Variants in HSPBAP1 observed in about 807,000 individuals in gnomAD.
The protein encoded by HSPBAP1 is HSPB1-associated protein 1.
Under a neutral mutation model 45.2 loss-of-function variants are expected in HSPBAP1, and 27 were observed. That is an observed-to-expected ratio of 0.60 (90% CI 0.44 to 0.82). The LOEUF is 0.82. Among genes scored for constraint, HSPBAP1 ranks in the 40% least tolerant of loss-of-function variants. HSPBAP1 has a pLI of 0.00. For synonymous variants in HSPBAP1, 204 were observed against 202.7 expected (o/e 1.01, Z -0.06); for missense variants, 510 against 590.9 (o/e 0.86, Z 1.42).
At chr3:122,746,788 G>C (rs539240689) in intron 6 of HSPBAP1, among the ~76,000 whole-genome samples, 1 of 152,120 alleles carries the variant, frequency 6.6e-6, no homozygotes, top group Non-Finnish European at 1.5e-5. Flanking sequence ...GAGTGCCTGC[G>C]ATTGCAGGCG....
chr3:122,776,300 C>T (rs1935190915), intron 2 of HSPBAP1, among the ~76,000 whole-genome samples: 2 of 152,126 alleles, frequency 1.3e-5, no homozygotes, highest in Admixed American at 1.3e-4. Flanking sequence ...TAAAAAAGAA[C>T]ATCGTCTTTA....
intron 6 of HSPBAP1, among the ~76,000 whole-genome samples, chr3:122,750,741 C>G (rs1161017093): frequency 6.6e-6 from 1 of 152,148 alleles, no homozygotes; most frequent in African/African-American, 2.4e-5. Context: ...GAAAGGGTAT[C>G]CTGGGATATC....
At position 122,755,427 on chromosome 3, in the gene HSPBAP1, G is replaced by C; in HGVS notation, c.574C>G (p.Arg192Gly). 1 of 1,379,728 alleles carries C rather than the reference G, an allele frequency of 7.2e-7. No individual in the cohort carries two copies. The highest frequency in any genetic ancestry group is 2.8e-5 in the Admixed American group (1 of 36,156). The allele number at this position is 1,379,728 out of a possible 1,614,324, so 85.5% of individuals were successfully genotyped here. A position where few individuals can be genotyped will look rare whatever the true frequency, so the allele number is the denominator to read the frequency against. The change falls in exon 5 of 8, where the codon CGA becomes GGA. Residue 192 changes from arginine (R) to glycine (G), a missense_variant. Physicochemically the swap from Arg to Gly is moderately radical, Grantham distance 125. Transcript: ENST00000306103. ...NLVFQVQGRK[R>G]WHLFPPEDTP... ...TCTTCAGGAGGAAAGAGATGCCATC[G>C]TTTCCTAATTAAAAAAAAAAAAAAA...
chr3:122,752,921 C>A, intron 5 of HSPBAP1: 1 of 1,179,250 alleles, frequency 8.5e-7, no homozygotes. Context: ...TAATCCTGGG[C>A]CTTCTTTGTC....
chr3:122,749,048 TATAA>T (rs532491794), intron 6 of HSPBAP1, among the ~76,000 whole-genome samples: 130 of 152,132 alleles, frequency 8.5e-4, no homozygotes, highest in African/African-American at 3.1e-3. Flanking sequence ...TGAATAAGTA[TATAA>T]ATAAGTAAAG....
intron 1 of HSPBAP1, among the ~76,000 whole-genome samples, chr3:122,786,006 C>G (rs1218262495): frequency 1.3e-5 from 2 of 152,006 alleles, no homozygotes; most frequent in African/African-American, 4.8e-5. Context: ...GATGATTAGC[C>G]CTCTTGAGAG....
chr3:122,785,608 G>C (rs973691685), intron 1 of HSPBAP1, among the ~76,000 whole-genome samples: 1 of 152,066 alleles, frequency 6.6e-6, no homozygotes, highest in Non-Finnish European at 1.5e-5. Context: ...TTGGAGTTGG[G>C]CCCAATCTCT....
At chr3:122,754,811 A>AC in intron 5 of HSPBAP1, 1 of 986,916 alleles carries the variant, frequency 1.0e-6, no homozygotes, top group Non-Finnish European at 1.2e-6. Context: ...TTAAAAGCAA[A>AC]CATTCTCGGT....
intron 5 of HSPBAP1, chr3:122,752,922 C>T: frequency 6.8e-6 from 8 of 1,176,604 alleles, no homozygotes; most frequent in Non-Finnish European, 8.4e-6. Context: ...AATCCTGGGC[C>T]TTCTTTGTCT....
chr3:122,758,352 G>C (rs1413365286), intron 4 of HSPBAP1, among the ~76,000 whole-genome samples: 1 of 152,152 alleles, frequency 6.6e-6, no homozygotes, highest in African/African-American at 2.4e-5. Flanking sequence ...GTATCTTCTA[G>C]AGTCCACAGA....
Position 122,764,597 on chromosome 3 carries a change from T to G in HSPBAP1, c.432+4104A>C, listed in dbSNP as rs138914740. On this transcript the variant is annotated intron_variant, in intron 3 of 7. Transcript: ENST00000306103. Reference sequence around the variant, plus strand: ...TAAAAGTATGATTTTGACACTTAACTGACTTTTGTGTATAGCAAATAAAAT... The same window carrying G: ...TAAAAGTATGATTTTGACACTTAACGGACTTTTGTGTATAGCAAATAAAAT... Among the ~76,000 whole-genome samples, 60 of 152,372 alleles carry G rather than the reference T, an allele frequency of 3.9e-4. 1 individual carries two copies. The highest frequency in any genetic ancestry group is 1.3e-3 in the African/African-American group (55 of 41,590).
At chr3:122,769,416 A>G (rs1934905739) in intron 2 of HSPBAP1, among the ~76,000 whole-genome samples, 1 of 152,196 alleles carries the variant, frequency 6.6e-6, no homozygotes, top group Admixed American at 6.5e-5. Flanking sequence ...TAAAAGATGT[A>G]TTATCTGTCC....
chr3:122,766,313 TA>T (rs1934779217), intron 3 of HSPBAP1, among the ~76,000 whole-genome samples: 2 of 152,186 alleles, frequency 1.3e-5, no homozygotes, highest in Admixed American at 6.5e-5. Context: ...AAACAGCAAG[TA>T]ATAAGACTTG....
At chr3:122,746,556 C>T (rs1388359075) in intron 6 of HSPBAP1, among the ~76,000 whole-genome samples, 1 of 151,664 alleles carries the variant, frequency 6.6e-6, no homozygotes, top group Admixed American at 6.6e-5. Context: ...AAATGATGGT[C>T]CTGACAATCC....
At chr3:122,780,625 C>G (rs1202541073) in intron 1 of HSPBAP1, among the ~76,000 whole-genome samples, 1 of 149,594 alleles carries the variant, frequency 6.7e-6, no homozygotes, top group African/African-American at 2.5e-5. Flanking sequence ...ACATCCCTCC[C>G]GGACAGGGCG....
At chr3:122,754,060 G>A (rs1934254623) in intron 5 of HSPBAP1, 1 of 214,808 alleles carries the variant, frequency 4.7e-6, no homozygotes, top group Admixed American at 6.5e-5. Context: ...AGCTGCTATG[G>A]AAAATAGTTT....
At chr3:122,755,454 G>C in intron 4 of HSPBAP1, 23 bp from the exon 5 acceptor site, 1 of 1,274,100 alleles carries the variant, frequency 7.8e-7, no homozygotes, top group Non-Finnish European at 1.0e-6. Context: ...AAAAAAAAAA[G>C]ATACAAGTTA....
At chr3:122,793,213 C>T (rs77185256) in intron 1 of HSPBAP1, among the ~76,000 whole-genome samples, 7,678 of 152,256 alleles carry the variant, frequency 0.05, 266 homozygotes, top group Middle Eastern at 0.11. Context: ...CCAGGGTTCA[C>T]TGAAATAGAA....
intron 1 of HSPBAP1, among the ~76,000 whole-genome samples, chr3:122,791,524 C>T (rs567130682): frequency 2.6e-5 from 4 of 152,218 alleles, no homozygotes; most frequent in African/African-American, 9.7e-5. Context: ...GTCCTGCCCT[C>T]AAGGTACTTA....
Sources: allele counts gnomAD v4.1 joint callset (sites outside exome capture counted in the v4.1 genomes callset), GRCh38; gene constraint gnomAD v4.1.1; transcripts MANE v1.5; gene names NCBI Gene and HGNC (gene_info 2026-07-23, HGNC 2026-07-21).